The following ILDR1 variants were observed in gnomAD, a reference collection of about 807,000 sequenced individuals.
ILDR1 encodes the protein immunoglobulin-like domain-containing receptor 1.
ILDR1 carries 56 observed loss-of-function variants against 62.4 expected under a neutral mutation model. The observed-to-expected ratio is 0.90, with a 90% CI of 0.72 to 1.12. The LOEUF (loss-of-function observed/expected upper bound fraction) is 1.12, where lower values mean the gene tolerates loss of function less well. ILDR1 is among the 50% of genes most tolerant of loss of function. The pLI, the probability that ILDR1 is intolerant of heterozygous loss-of-function variation, is 0.00. For synonymous variants in ILDR1, 284 were observed against 277.8 expected (o/e 1.02, Z -0.22); for missense variants, 736 against 710.6 (o/e 1.04, Z -0.41).
At chr3:122,009,015 C>T (rs1016529283) in intron 1 of ILDR1, among the ~76,000 whole-genome samples, 1 of 151,666 alleles carries the variant, frequency 6.6e-6, no homozygotes, top group African/African-American at 2.4e-5. Context: ...CTCACTGCAA[C>T]GTTGACCTCC....
the ILDR1 span, among the ~76,000 whole-genome samples, chr3:122,058,582 G>A: frequency 6.6e-6 from 1 of 152,068 alleles, no homozygotes; most frequent in South Asian, 2.1e-4. Context: ...TAGGTGCATG[G>A]GGGAATTTTA....
chr3:122,003,894 A>G (rs1372767938), intron 3 of ILDR1, among the ~76,000 whole-genome samples: 1 of 152,196 alleles, frequency 6.6e-6, no homozygotes, highest in East Asian at 1.9e-4. Flanking sequence ...AGGTCAGATA[A>G]GAACAAATTC....
the ILDR1 span, among the ~76,000 whole-genome samples, chr3:122,032,480 C>T: frequency 6.6e-6 from 1 of 152,102 alleles, no homozygotes; most frequent in Non-Finnish European, 1.5e-5. Flanking sequence ...ATTTTTGCTT[C>T]TATAGTTCAG....
intron 7 of ILDR1, 26 bp downstream of exon 7, chr3:121,993,124 C>T (rs1225864614): frequency 6.5e-7 from 1 of 1,536,302 alleles, no homozygotes; most frequent in Non-Finnish European, 8.8e-7. Flanking sequence ...CCATGCCCAA[C>T]CCTCAGCAGG....
At chr3:122,018,394 T>TC (rs2071807082) in intron 1 of ILDR1, among the ~76,000 whole-genome samples, 2 of 51,876 alleles carry the variant, frequency 3.9e-5, no homozygotes, top group South Asian at 6.4e-4. Flanking sequence ...CCTGTTGGGG[T>TC]GGGGGGGGGG....
intron 1 of ILDR1, among the ~76,000 whole-genome samples, chr3:122,012,232 A>T (rs562787331): frequency 6.6e-6 from 1 of 152,332 alleles, no homozygotes; most frequent in South Asian, 2.1e-4. Flanking sequence ...GAAAATGTGA[A>T]CAGGATCAAA....
the ILDR1 span, among the ~76,000 whole-genome samples, chr3:122,050,501 G>A: frequency 2.0e-5 from 3 of 151,102 alleles, no homozygotes; most frequent in East Asian, 1.9e-4. Context: ...TTTTAAAGCC[G>A]ATAAAACTTA....
intron 7 of ILDR1, among the ~76,000 whole-genome samples, chr3:121,992,745 G>A (rs970142353): frequency 2.0e-5 from 3 of 152,200 alleles, no homozygotes; most frequent in African/African-American, 4.8e-5. Flanking sequence ...ATGGAAATGG[G>A]TTGCTAAGTA....
At chr3:122,054,440 T>C in the ILDR1 span, among the ~76,000 whole-genome samples, 1 of 152,214 alleles carries the variant, frequency 6.6e-6, no homozygotes, top group African/African-American at 2.4e-5. Context: ...CATATTTCTA[T>C]TGACTTGACA....
At chr3:122,007,606 C>T (rs967223620) in intron 1 of ILDR1, among the ~76,000 whole-genome samples, 7 of 152,218 alleles carry the variant, frequency 4.6e-5, no homozygotes, top group African/African-American at 1.2e-4. Context: ...CTGCCCTTCT[C>T]GTCTGCCCCG....
At chr3:122,019,767 A>G (rs951243353) in intron 1 of ILDR1, among the ~76,000 whole-genome samples, 2 of 152,230 alleles carry the variant, frequency 1.3e-5, no homozygotes, top group Non-Finnish European at 2.9e-5. Context: ...ACACTTTGCA[A>G]TTGTGGGAAC....
Position 122,012,178 on chromosome 3 carries a change from CA to C in ILDR1, c.59-5018del, listed in dbSNP as rs1355301360. 2.6e-5 allele frequency among the ~76,000 whole-genome samples: 4 copies of C among 152,290 alleles called. No individual in the cohort carries two copies. The East Asian group carries it at 7.7e-4, about 29-fold the overall frequency. ...CACACTGGGCATGCACAGAACTAAG[CA>C]GGTGGAGTTTTCAAGAAAGGACCCA... On this transcript the variant is annotated intron_variant, in intron 1 of 7. Transcript: ENST00000344209.
At chr3:122,030,752 A>G in the ILDR1 span, among the ~76,000 whole-genome samples, 1 of 152,008 alleles carries the variant, frequency 6.6e-6, no homozygotes, top group Non-Finnish European at 1.5e-5. Context: ...GTTAAGCTCA[A>G]TGAGGATCAA....
chr3:122,011,116 C>T (rs1232240077), intron 1 of ILDR1, among the ~76,000 whole-genome samples: 1 of 152,160 alleles, frequency 6.6e-6, no homozygotes, highest in Non-Finnish European at 1.5e-5. Context: ...TAAAATATAA[C>T]TGGTGCAGTC....
chr3:122,005,647 A>G (rs1040939054), intron 2 of ILDR1, among the ~76,000 whole-genome samples: 2 of 151,734 alleles, frequency 1.3e-5, no homozygotes, highest in Admixed American at 6.6e-5. Context: ...CCTGACCATC[A>G]TTTTCATGCC....
the ILDR1 span, among the ~76,000 whole-genome samples, chr3:122,056,396 G>T: frequency 2.0e-5 from 3 of 152,082 alleles, no homozygotes; most frequent in Admixed American, 6.6e-5. Flanking sequence ...GTGCAGTGGC[G>T]CAATCTCAGC....
chr3:122,039,908 G>C, the ILDR1 span, among the ~76,000 whole-genome samples: 5 of 151,924 alleles, frequency 3.3e-5, no homozygotes, highest in African/African-American at 9.7e-5. Flanking sequence ...CAGTTAAAGA[G>C]AGACTACTTT....
At chr3:122,046,545 T>G in the ILDR1 span, among the ~76,000 whole-genome samples, 1 of 146,610 alleles carries the variant, frequency 6.8e-6, no homozygotes, top group Admixed American at 6.8e-5. Flanking sequence ...CCCCATCACT[T>G]TCAGGTACAC....
chr3:121,993,173 T>A lies in ILDR1; in HGVS notation c.1576A>T (p.Lys526Ter), dbSNP rs919839015. ...DITPGKNSRK[K>*]GSVERRSEKD... ...ACCGAGCGCCTCTCCACACTCCCTTTTTTCCTGCTATTCTTGCCTGGAGTG... is the reference window on the plus strand; with the variant it reads ...ACCGAGCGCCTCTCCACACTCCCTTATTTCCTGCTATTCTTGCCTGGAGTG... Residue 526 changes from lysine to a stop codon, truncating the protein, a stop_gained, in exon 7 of 8, where the codon AAA becomes TAA. Transcript: ENST00000344209. LOFTEE classifies it high-confidence loss of function. 1 of 1,608,472 alleles carries A rather than the reference T, an allele frequency of 6.2e-7. No individual in the cohort carries two copies. The highest frequency in any genetic ancestry group is 8.5e-7 in the Non-Finnish European group (1 of 1,177,500).
Sources: allele counts gnomAD v4.1 joint callset (sites outside exome capture counted in the v4.1 genomes callset), GRCh38; gene constraint gnomAD v4.1.1; transcripts MANE v1.5; gene names NCBI Gene and HGNC (gene_info 2026-07-23, HGNC 2026-07-21).